DHH: variants seen among roughly 807,000 people sequenced by gnomAD.
DHH encodes desert hedgehog protein.
In DHH, 16 loss-of-function variants were observed where a neutral mutation model predicts 27.6. That is an observed-to-expected ratio of 0.58 (90% confidence interval 0.39 to 0.88). The LOEUF is 0.88. Among genes scored for constraint, DHH ranks in the 40% least tolerant of loss-of-function variants. The pLI is 0.00. For missense variants in DHH, 436 were observed against 563.1 expected (o/e 0.77, Z 2.28); for synonymous variants, 289 against 263.4 (o/e 1.10, Z -0.94).
chr12:49,092,436 G>A (rs2047102), intron 1 of DHH: 1 of 152,244 alleles, frequency 6.6e-6, no homozygotes. Context: ...GCCTGGGAGC[G>A]GGAGACCTTG....
At position 49,090,549 on chromosome 12, in the gene DHH, C is replaced by A; in HGVS notation, c.566-65G>T. 1 of 1,574,184 alleles carries A rather than the reference C, an allele frequency of 6.4e-7. No homozygotes were observed. ...GCGGTTCCAGAACGATTCTCAAGGC[C>A]AGCGCAGATATCGCCAGTCATGGAC... On this transcript the variant is annotated intron_variant, in intron 2 of 2. Coordinates refer to ENST00000649637, the MANE Select transcript of DHH (RefSeq NM_021044.4). The surrounding 1 kb of genome is among the most constrained non-coding windows in gnomAD (Gnocchi z 5.2).
At chr12:49,094,068 T>TCC in intron 1 of DHH, 142 bp downstream of exon 1, 1 of 920,298 alleles carries the variant, frequency 1.1e-6, no homozygotes, top group Non-Finnish European at 1.6e-6. Flanking sequence ...CAAGGATTTT[T>TCC]CCCCCCCCTG....
In DHH at chr12:49,094,343, A is replaced by G; in HGVS notation, c.170T>C (p.Leu57Pro). The stretch of plus-strand genomic sequence containing the variant: ...CCCCTCCGCTGGCCCACTGGCGCCC[A>G]GGGTCCGCTCTGGCACGCCGGGCAC... ...QFVPGVPERT[L>P]GASGPAEGRV... The change falls in exon 1 of 3, where the codon CTG becomes CCG. Residue 57 changes from leucine to proline, a missense_variant. By Grantham distance (98) the Leu-to-Pro change is moderately conservative. Coordinates refer to ENST00000649637, the MANE Select transcript of DHH (RefSeq NM_021044.4). 6.2e-7 allele frequency: 1 copy of G among 1,613,126 alleles called. No individual in the cohort carries two copies. Among genetic ancestry groups the G allele is most frequent in the Non-Finnish European group, 8.5e-7 (1 of 1,179,896 alleles).
chr12:49,094,199 G>A lies in DHH; in HGVS notation c.303+11C>T, dbSNP rs1200259831. On this transcript the variant is annotated intron_variant, in intron 1 of 2. Coordinates refer to ENST00000649637, the MANE Select transcript of DHH (RefSeq NM_021044.4). The stretch of plus-strand genomic sequence containing the variant: ...AGTGCCCCGGCGCAGGTAGGGAGAG[G>A]CCCTCCTTACCTCGGTCATCAGGCG... The A allele has an allele frequency of 6.2e-7, 1 of 1,613,204 alleles. No homozygotes were observed. The highest frequency in any genetic ancestry group is 8.5e-7 in the Non-Finnish European group (1 of 1,179,896).
rs1555142407 is a variant in DHH, at chr12:49,090,711, G to GTATGTATGTATT, written c.566-228_566-227insAATACATACATA. On this transcript the variant is annotated intron_variant, in intron 2 of 2. Transcript: ENST00000649637. This position sits in a 1 kb window ranked among gnomAD's most constrained non-coding sequence, Gnocchi z 5.2. ...TGTATGTATGTATGTATGTATGTAT[G>GTATGTATGTATT]TATTTTGAGATAGAATCTCGCTCTG... Among the ~76,000 whole-genome samples, 33 of 129,192 alleles carry GTATGTATGTATT rather than the reference G, an allele frequency of 2.6e-4. 1 individual carries two copies. The highest frequency in any genetic ancestry group is 1.1e-3 in the East Asian group (5 of 4,510). The allele number at this position is 129,192 out of a possible 152,430, so 84.8% of individuals were successfully genotyped here.
In DHH at chr12:49,089,873, C is replaced by T. The variant is rs1221217179; in HGVS notation, c.1177G>A (p.Glu393Lys). 3 of 1,572,260 alleles carry T rather than the reference C, an allele frequency of 1.9e-6. No homozygotes were observed. The highest frequency in any genetic ancestry group is 2.6e-6 in the Non-Finnish European group (3 of 1,158,030). Reference sequence around the variant, plus strand: ...GCCTGGGACGCTCAGCCCAGTAGCTCCTCCGCTAAGCGGTAGAGGAGCCGA... The same window carrying T: ...GCCTGGGACGCTCAGCCCAGTAGCTTCTCCGCTAAGCGGTAGAGGAGCCGA... ...YSRLLYRLAEELLG is the reference protein window; with the variant it reads ...YSRLLYRLAEKLLG Residue 393 changes from glutamate (E) to lysine (K), a missense_variant, in exon 3 of 3, where the codon GAG becomes AAG. Coordinates refer to ENST00000649637, the MANE Select transcript of DHH (RefSeq NM_021044.4).
chr12:49,090,997 G>A lies in DHH; in HGVS notation c.565+131C>T. ...GATTAGAGGCGTGAGGCACCGCCTC[G>A]GCCTGGACGGGTGGTTTTCAACACT... On this transcript the variant is annotated intron_variant, in intron 2 of 2. Transcript: ENST00000649637. The surrounding 1 kb of genome is among the most constrained non-coding windows in gnomAD (Gnocchi z 5.2). 1 of 1,398,704 alleles carries A rather than the reference G, an allele frequency of 7.1e-7. No homozygotes were observed. The allele number at this position is 1,398,704 out of a possible 1,614,324, so 86.6% of individuals were successfully genotyped here.
intron 1 of DHH, among the ~76,000 whole-genome samples, chr12:49,093,599 A>G (rs1939341419): frequency 6.6e-6 from 1 of 152,128 alleles, no homozygotes; most frequent in African/African-American, 2.4e-5. Flanking sequence ...ATTACTTTTT[A>G]ACCCCAAGAT....
rs200610053 is a variant in DHH, at chr12:49,090,711, G to GTATT, written c.566-231_566-228dup. On this transcript the variant is annotated intron_variant, in intron 2 of 2. Transcript: ENST00000649637. The surrounding 1 kb of genome is among the most constrained non-coding windows in gnomAD (Gnocchi z 5.2). ...TGTATGTATGTATGTATGTATGTATGTATTTTGAGATAGAATCTCGCTCTG... is the reference window on the plus strand; with the variant it reads ...TGTATGTATGTATGTATGTATGTATGTATTTATTTTGAGATAGAATCTCGCTCTG... Among the ~76,000 whole-genome samples the GTATT allele has an allele frequency of 0.15, 19,132 of 128,646 alleles. 1,483 individuals are homozygous for GTATT. Among genetic ancestry groups the GTATT allele is most frequent in the East Asian group, 0.35 (1,589 of 4,478 alleles). 84.4% of individuals were successfully genotyped at this position (128,646 alleles called of 152,430 possible).
rs1939293603 is a variant in DHH at position 49,091,061 on chromosome 12, A to G, written c.565+67T>C. Reference sequence around the variant, plus strand: ...TCTCCCCTAGGGTGGCAACAGTACTACTGCAGACTCAGTTTCCCGGAGGGA... The same window carrying G: ...TCTCCCCTAGGGTGGCAACAGTACTGCTGCAGACTCAGTTTCCCGGAGGGA... On this transcript the variant is annotated intron_variant, in intron 2 of 2. Transcript: ENST00000649637. This position sits in a 1 kb window ranked among gnomAD's most constrained non-coding sequence, Gnocchi z 4.8. The G allele has an allele frequency of 6.2e-7, 1 of 1,611,770 alleles. No homozygotes were observed. Among genetic ancestry groups the G allele is most frequent in the Non-Finnish European group, 8.5e-7 (1 of 1,178,048 alleles).
At chr12:49,092,762 T>G (rs1939328422) in intron 1 of DHH, 1 of 152,286 alleles carries the variant, frequency 6.6e-6, no homozygotes, top group South Asian at 2.1e-4. Context: ...TAAGTAAGAC[T>G]GAGGGGGCTC....
Position 49,094,441 on chromosome 12 carries a change from C to A in DHH, c.72G>T (p.Gly24=). The part of the protein sequence containing the change: ...ALLALPAQSC[G]PGRGPVGRRR... ...GCCGGCCAACCGGCCCCCGGCCCGGCCCGCAGCTCTGGGCTGGCAGCGCCA... is the reference window on the plus strand; with the variant it reads ...GCCGGCCAACCGGCCCCCGGCCCGGACCGCAGCTCTGGGCTGGCAGCGCCA... The change falls in exon 1 of 3, where the codon GGG becomes GGT. Residue 24 remains glycine (G), a synonymous_variant. Coordinates refer to ENST00000649637, the MANE Select transcript of DHH (RefSeq NM_021044.4). The A allele has an allele frequency of 1.2e-6, 2 of 1,601,994 alleles. No homozygotes were observed. The highest frequency in any genetic ancestry group is 1.7e-6 in the Non-Finnish European group (2 of 1,174,792).
In DHH at chr12:49,088,123, A is replaced by C. The variant is rs973377747; in HGVS notation, c.*1736T>G. On this transcript the variant is annotated 3_prime_UTR_variant, in exon 3 of 3. Coordinates refer to ENST00000649637, the MANE Select transcript of DHH (RefSeq NM_021044.4). The stretch of plus-strand genomic sequence containing the variant: ...AGGCGGCAACTTTGATACATAAGGA[A>C]GTCTGGGCTACTACAGGTATACTAG... Among the ~76,000 whole-genome samples, 2 of 152,264 alleles carry C rather than the reference A, an allele frequency of 1.3e-5. No homozygotes were observed. The highest frequency in any genetic ancestry group is 2.9e-5 in the Non-Finnish European group (2 of 68,012).
Position 49,091,157 on chromosome 12 carries a change from C to T in DHH, c.536G>A (p.Arg179His), listed in dbSNP as rs768138247. The T allele has an allele frequency of 5.0e-6, 8 of 1,614,230 alleles. No individual in the cohort carries two copies. The highest frequency in any genetic ancestry group is 6.8e-6 in the Non-Finnish European group (8 of 1,180,042). ...AGFDWVYYESRNHVHVSVKAD... is the reference protein window; with the variant it reads ...AGFDWVYYESHNHVHVSVKAD... ...TTTGACCGACACGTGGACGTGGTTGCGGGACTCGTAGTAGACCCAGTCGAA... is the reference window on the plus strand; with the variant it reads ...TTTGACCGACACGTGGACGTGGTTGTGGGACTCGTAGTAGACCCAGTCGAA... The change falls in exon 2 of 3, where the codon CGC (arginine) becomes CAC (histidine). Residue 179 changes from arginine (R) to histidine (H), a missense_variant. Arg to His is a conservative substitution (Grantham distance 29). Transcript: ENST00000649637. This position sits in a 1 kb window ranked among gnomAD's most constrained non-coding sequence, Gnocchi z 4.8.
rs1230454670 is a variant in DHH, at chr12:49,087,218, G to A, written c.*2641C>T. Among the ~76,000 whole-genome samples, 8 of 151,592 alleles carry A rather than the reference G, an allele frequency of 5.3e-5. No homozygotes were observed. Among genetic ancestry groups the A allele is most frequent in the Non-Finnish European group, 8.8e-5 (6 of 67,934 alleles). On this transcript the variant is annotated 3_prime_UTR_variant, in exon 3 of 3. Coordinates refer to ENST00000649637, the MANE Select transcript of DHH (RefSeq NM_021044.4). ...TTTTTTTTTTTTTTGAGAGTTAGGAGGGGCCTCAAAGGAATAAAGATAATA... is the reference window on the plus strand; with the variant it reads ...TTTTTTTTTTTTTTGAGAGTTAGGAAGGGCCTCAAAGGAATAAAGATAATA...
rs1939269427 is a variant in DHH, at chr12:49,090,099, C to G, written c.951G>C (p.Ala317=). The change falls in exon 3 of 3, where the codon GCG becomes GCC. Residue 317 remains alanine (A), a synonymous_variant. Coordinates refer to ENST00000649637, the MANE Select transcript of DHH (RefSeq NM_021044.4). This position sits in a 1 kb window ranked among gnomAD's most constrained non-coding sequence, Gnocchi z 5.2. ...CGAACACGCCCACGGCTTCCTCCCG[C>G]GCCACACGGGCCACGCGCGCTGGCC... ...ALRPARVARV[A]REEAVGVFAP... The G allele has an allele frequency of 6.5e-7, 1 of 1,526,974 alleles. No homozygotes were observed. Among genetic ancestry groups the G allele is most frequent in the African/African-American group, 1.4e-5 (1 of 70,656 alleles). 94.6% of individuals were successfully genotyped at this position (1,526,974 alleles called of 1,614,324 possible).
Position 49,089,739 on chromosome 12 carries a change from TCTCCCTCCCC to T in DHH, c.*110_*119del, listed in dbSNP as rs1185754028. The T allele has an allele frequency of 1.5e-6, 2 of 1,353,102 alleles. No individual in the cohort carries two copies. The highest frequency in any genetic ancestry group is 5.4e-5 in the East Asian group (2 of 37,330). The allele number at this position is 1,353,102 out of a possible 1,614,324, so 83.8% of individuals were successfully genotyped here. A position where few individuals can be genotyped will look rare whatever the true frequency, so the allele number is the denominator to read the frequency against. On this transcript the variant is annotated 3_prime_UTR_variant, in exon 3 of 3. Coordinates refer to ENST00000649637, the MANE Select transcript of DHH (RefSeq NM_021044.4). Reference sequence around the variant, plus strand: ...CCCTAAGCCAGGCATAGCCCCATTTTCTCCCTCCCCCTCCCTCTCCCTCCCTTCCAGTCGG... The same window carrying T: ...CCCTAAGCCAGGCATAGCCCCATTTTCTCCCTCTCCCTCCCTTCCAGTCGG...
At chr12:49,092,550 A>T (rs916561771) in intron 1 of DHH, among the ~76,000 whole-genome samples, 3 of 152,162 alleles carry the variant, frequency 2.0e-5, no homozygotes, top group African/African-American at 7.2e-5. Flanking sequence ...TTCTCCTAAC[A>T]GAAAGACACT....
chr12:49,091,071 C>G lies in DHH; in HGVS notation c.565+57G>C. ...GGTGGCAACAGTACTACTGCAGACT[C>G]AGTTTCCCGGAGGGAGCCCCCTTTG... On this transcript the variant is annotated intron_variant, in intron 2 of 2. Transcript: ENST00000649637. This position sits in a 1 kb window ranked among gnomAD's most constrained non-coding sequence, Gnocchi z 4.8. 3 of 1,613,668 alleles carry G rather than the reference C, an allele frequency of 1.9e-6. No homozygotes were observed. Among genetic ancestry groups the G allele is most frequent in the Non-Finnish European group, 2.5e-6 (3 of 1,179,660 alleles).
Sources: allele counts gnomAD v4.1 joint callset (sites outside exome capture counted in the v4.1 genomes callset), GRCh38; gene constraint gnomAD v4.1.1; non-coding constraint Gnocchi (gnomAD v3.1); transcripts MANE v1.5; gene names NCBI Gene and HGNC (gene_info 2026-07-23, HGNC 2026-07-21).